GPC6: variants seen among roughly 807,000 people sequenced by gnomAD.
GPC6 encodes glypican-6.
A neutral mutation model predicts 55.2 loss-of-function variants in GPC6; 14 were observed. The observed-to-expected ratio is 0.25, with a 90% confidence interval of 0.17 to 0.40. The LOEUF (loss-of-function observed/expected upper bound fraction) is 0.40, where lower values mean the gene tolerates loss of function less well. Ranked by LOEUF, GPC6 falls within the 10% of genes least tolerant of loss-of-function variation. GPC6 has a pLI of 1.00. For missense variants in GPC6, 641 were observed against 708.5 expected, an observed-to-expected ratio of 0.90 and a Z score of 1.08; for synonymous variants, 278 against 259.6, an observed-to-expected ratio of 1.07 and a Z score of -0.68.
intron 7 of GPC6, 65 bp from the exon 8 acceptor site, chr13:94,398,401 C>G: frequency 8.3e-7 from 1 of 1,200,852 alleles, no homozygotes; most frequent in Non-Finnish European, 1.2e-6. Flanking sequence ...TTTTGCATGG[C>G]AGCATCTGGT....
At chr13:94,137,492 G>A (rs1246604763) in intron 4 of GPC6, among the ~76,000 whole-genome samples, 1 of 152,202 alleles carries the variant, frequency 6.6e-6, no homozygotes. Context: ...GAGCCTTAAG[G>A]AGTGGGATCT....
intron 4 of GPC6, among the ~76,000 whole-genome samples, chr13:94,082,760 G>A (rs117690173): frequency 2.0e-4 from 30 of 152,290 alleles, no homozygotes; most frequent in Non-Finnish European, 3.1e-4. Context: ...AGTAGAGGAT[G>A]TATCCTCCGT....
intron 3 of GPC6, among the ~76,000 whole-genome samples, chr13:93,944,893 A>T (rs1878927838): frequency 6.6e-6 from 1 of 151,972 alleles, no homozygotes; most frequent in Admixed American, 6.6e-5. Flanking sequence ...TTAAATGTTA[A>T]TTTCTTGGTG....
intron 2 of GPC6, among the ~76,000 whole-genome samples, chr13:93,663,680 T>C (rs927408469): frequency 6.6e-6 from 1 of 152,180 alleles, no homozygotes; most frequent in Non-Finnish European, 1.5e-5. Context: ...AACTTCAGGG[T>C]CAGGAAACGT....
chr13:93,656,717 A>G (rs1880684193), intron 2 of GPC6, among the ~76,000 whole-genome samples: 1 of 152,092 alleles, frequency 6.6e-6, no homozygotes, highest in Non-Finnish European at 1.5e-5. Context: ...TGGGTTTTAA[A>G]AAATCATTTT....
At chr13:94,295,368 A>G (rs1042998495) in intron 5 of GPC6, among the ~76,000 whole-genome samples, 2 of 152,150 alleles carry the variant, frequency 1.3e-5, no homozygotes, top group Non-Finnish European at 2.9e-5. Context: ...TATGGTACCT[A>G]AATTCTAAAG....
intron 2 of GPC6, among the ~76,000 whole-genome samples, chr13:93,768,421 C>T (rs1885190064): frequency 6.6e-6 from 1 of 152,172 alleles, no homozygotes; most frequent in Admixed American, 6.6e-5. Context: ...ATCTTACCTC[C>T]CCAAGCCTGT....
At chr13:93,654,595 T>C (rs966349769) in intron 2 of GPC6, among the ~76,000 whole-genome samples, 1 of 152,194 alleles carries the variant, frequency 6.6e-6, no homozygotes, top group Non-Finnish European at 1.5e-5. Context: ...CTCAAAGTGC[T>C]GGGATTACAA....
At chr13:93,945,221 A>T (rs1339625773) in intron 3 of GPC6, among the ~76,000 whole-genome samples, 2 of 152,244 alleles carry the variant, frequency 1.3e-5, no homozygotes, top group African/African-American at 4.8e-5. Context: ...TACACCTATG[A>T]CTACTAATAA....
chr13:93,947,749 C>T (rs1260231793), intron 3 of GPC6, among the ~76,000 whole-genome samples: 6 of 147,750 alleles, frequency 4.1e-5, no homozygotes, highest in African/African-American at 7.5e-5. Flanking sequence ...TTTTTTTTTT[C>T]GCCACCACAA....
chr13:93,780,594 TACACACACACACACACACACAC>T (rs35134947), intron 2 of GPC6, among the ~76,000 whole-genome samples: 1 of 143,842 alleles, frequency 7.0e-6, no homozygotes, highest in Admixed American at 7.0e-5. Flanking sequence ...ATCACAAAAA[TACACACACACACACACACACAC>T]ACACACACAC....
At chr13:94,300,021 G>C (rs1344372393) in intron 5 of GPC6, among the ~76,000 whole-genome samples, 1 of 151,896 alleles carries the variant, frequency 6.6e-6, no homozygotes, top group Non-Finnish European at 1.5e-5. Flanking sequence ...TTAAATCCAG[G>C]TAACATTAAC....
intron 2 of GPC6, among the ~76,000 whole-genome samples, chr13:93,697,662 C>T (rs180775617): frequency 3.9e-4 from 59 of 152,168 alleles, no homozygotes; most frequent in Middle Eastern, 6.8e-3. Context: ...TTTGTCCATA[C>T]GTTAGTTCCA....
intron 1 of GPC6, among the ~76,000 whole-genome samples, chr13:93,453,111 A>G (rs1234055966): frequency 6.6e-6 from 1 of 152,214 alleles, no homozygotes; most frequent in Non-Finnish European, 1.5e-5. Flanking sequence ...TTTGAGGATT[A>G]TTTTGTGAAA....
intron 3 of GPC6, among the ~76,000 whole-genome samples, chr13:93,863,660 G>A (rs1888879719): frequency 6.6e-6 from 1 of 151,562 alleles, no homozygotes; most frequent in African/African-American, 2.4e-5. Flanking sequence ...CCAGTTCATG[G>A]TGACATCATA....
chr13:94,145,940 T>C (rs986673886), intron 4 of GPC6, among the ~76,000 whole-genome samples: 1 of 152,178 alleles, frequency 6.6e-6, no homozygotes, highest in Non-Finnish European at 1.5e-5. Context: ...AATGGACTTC[T>C]CTGTGTCTGC....
intron 1 of GPC6, among the ~76,000 whole-genome samples, chr13:93,353,386 A>T (rs1246257955): frequency 6.6e-6 from 1 of 152,154 alleles, no homozygotes; most frequent in Non-Finnish European, 1.5e-5. Flanking sequence ...AACACTAACA[A>T]TGAGTGCCAA....
intron 4 of GPC6, among the ~76,000 whole-genome samples, chr13:94,252,157 A>G (rs1891370104): frequency 6.6e-6 from 1 of 151,942 alleles, no homozygotes; most frequent in South Asian, 2.1e-4. Context: ...CCTAAGAGGG[A>G]TTTGTCACCC....
At chr13:93,229,322 T>C (rs1156635201) in intron 1 of GPC6, among the ~76,000 whole-genome samples, 3 of 150,990 alleles carry the variant, frequency 2.0e-5, no homozygotes, top group Non-Finnish European at 2.9e-5. Flanking sequence ...TTCTAGGAAC[T>C]TTTTCTCCTT....
Sources: gnomAD v4.1 joint callset for allele counts (sites outside exome capture counted in the v4.1 genomes callset) on GRCh38, gnomAD v4.1.1 for gene constraint, MANE v1.5 for transcripts, NCBI Gene and HGNC (gene_info 2026-07-23, HGNC 2026-07-21) for gene names.